MYOM2: variants seen among roughly 807,000 people sequenced by gnomAD.
MYOM2 encodes the protein myomesin 2.
Under a neutral mutation model 187.6 loss-of-function variants are expected in MYOM2, and 254 were observed. That is an observed-to-expected ratio of 1.35 (90% CI 1.22 to 1.50). MYOM2 has a LOEUF of 1.50. MYOM2 is among the 40% of genes most tolerant of loss of function. MYOM2 has a pLI of 0.00. For synonymous variants in MYOM2, 981 were observed against 753.8 expected (o/e 1.30, Z -4.94); for missense variants, 2,796 against 1,924.0 (o/e 1.45, Z -8.48).
intron 24 of MYOM2, 82 bp from the exon 25 acceptor site, chr8:2,109,309 GGATT>G (rs1188943813): frequency 2.9e-6 from 4 of 1,392,078 alleles, no homozygotes; most frequent in African/African-American, 2.9e-5. Context: ...CTAATAACTA[GGATT>G]GATATTTCCC....
intron 6 of MYOM2, among the ~76,000 whole-genome samples, chr8:2,060,443 G>A (rs1315289322): frequency 6.6e-6 from 1 of 152,090 alleles, no homozygotes; most frequent in Non-Finnish European, 1.5e-5. Context: ...GGAGGTGTGG[G>A]GTGTGTGTGC....
chr8:2,051,980 A>C (rs1404376489), intron 2 of MYOM2, among the ~76,000 whole-genome samples, 178 bp from the exon 3 acceptor site: 1 of 152,194 alleles, frequency 6.6e-6, no homozygotes, highest in Non-Finnish European at 1.5e-5. Flanking sequence ...ATGTGTGTGC[A>C]TGTGTGCATA....
At chr8:2,088,323 G>A (rs1796166183) in intron 14 of MYOM2, among the ~76,000 whole-genome samples, 1 of 152,188 alleles carries the variant, frequency 6.6e-6, no homozygotes, top group Non-Finnish European at 1.5e-5. Context: ...GGGTACCTGT[G>A]CAAGTTCTGA....
At chr8:2,123,821 T>G (rs961909906) in intron 30 of MYOM2, among the ~76,000 whole-genome samples, 179 bp downstream of exon 30, 2 of 152,258 alleles carry the variant, frequency 1.3e-5, no homozygotes, top group Non-Finnish European at 2.9e-5. Context: ...TTTCAGTGTT[T>G]TAGAATAATG....
chr8:2,074,549 G>A (rs951549794), intron 10 of MYOM2, among the ~76,000 whole-genome samples: 1 of 152,074 alleles, frequency 6.6e-6, no homozygotes, highest in Non-Finnish European at 1.5e-5. Context: ...CCGCCTCCTG[G>A]GTTCAAGCGA....
chr8:2,132,608 A>T (rs1356837145), intron 32 of MYOM2, among the ~76,000 whole-genome samples: 5 of 151,784 alleles, frequency 3.3e-5, no homozygotes, highest in African/African-American at 1.2e-4. Flanking sequence ...TTTTTTTGAG[A>T]CAGAGTCTTG....
rs372444888 is a variant in MYOM2, at chr8:2,072,505, C to T, written c.954C>T (p.Arg318=). ...TGCAGCCGCGCGCCGAGTGGTACCG[C>T]GATGGTGAGTAGGACACGGCCCAGA... is the stretch of plus-strand genomic sequence containing the variant. ...KRVQPRAEWY[R]DDVLLKESKW... Residue 318 remains arginine (R), a synonymous_variant, in exon 9 of 37, where the codon CGC becomes CGT. Transcript: ENST00000262113. The T allele has an allele frequency of 8.1e-6, 13 of 1,612,762 alleles. No individual in the cohort carries two copies. The East Asian group carries it at 1.3e-4, about 17-fold the overall frequency.
intron 31 of MYOM2, among the ~76,000 whole-genome samples, chr8:2,124,600 A>G (rs1797573326): frequency 1.3e-5 from 2 of 152,342 alleles, no homozygotes; most frequent in African/African-American, 2.4e-5. Context: ...ACCATATGTT[A>G]TCTTTACAAA....
chr8:2,085,613 CGTGGCCCCCCACAGTCGTGATCTCTTT>C lies in MYOM2; in HGVS notation c.1644+236_1644+262del, dbSNP rs1563445214. Among the ~76,000 whole-genome samples the C allele has an allele frequency of 2.5e-3, 7 of 2,784 alleles. 1 individual carries two copies. The highest frequency in any genetic ancestry group is 8.3e-3 in the African/African-American group (2 of 240). The allele number at this position is 2,784 out of a possible 152,430, so 1.8% of individuals were successfully genotyped here. A position where few individuals can be genotyped will look rare whatever the true frequency, so the allele number is the denominator to read the frequency against. On this transcript the variant is annotated intron_variant, in intron 14 of 36. Transcript: ENST00000262113. ...CGTGGCCCCACTGTCGTGATCTCTG[CGTGGCCCCCCACAGTCGTGATCTCTTT>C]GTGGCCCCCCACTGTCGTGATCTCT...
intron 3 of MYOM2, among the ~76,000 whole-genome samples, chr8:2,054,945 GA>G (rs1818608829): frequency 9.6e-6 from 1 of 103,944 alleles, no homozygotes; most frequent in Non-Finnish European, 2.1e-5. Flanking sequence ...ATGGGGGAAC[GA>G]AGTACCTGGA....
At chr8:2,095,331 G>T (rs1042306076) in intron 17 of MYOM2, among the ~76,000 whole-genome samples, 3 of 140,460 alleles carry the variant, frequency 2.1e-5, no homozygotes, top group African/African-American at 8.2e-5. Flanking sequence ...TCGCTCTGTT[G>T]CTCAGGCTGG....
At position 2,108,835 on chromosome 8, in the gene MYOM2, G is replaced by C; in HGVS notation, c.3043+5G>C. The C allele has an allele frequency of 6.2e-7, 1 of 1,613,918 alleles. No homozygotes were observed. Among genetic ancestry groups the C allele is most frequent in the Non-Finnish European group, 8.5e-7 (1 of 1,179,924 alleles). ...GCAATGAAATAAAGAACCCCAGTAA[G>C]TAAGCCTCCAGCCCTTCCCCTCTGC... On this transcript the variant is annotated splice_donor_5th_base_variant and intron_variant, in intron 24 of 36. Transcript: ENST00000262113.
rs144924390 is a variant in MYOM2 at position 2,144,969 on chromosome 8, G to C, written c.4386G>C (p.Ala1462=). The change falls in exon 37 of 37, where the codon GCG becomes GCC. Residue 1462 remains alanine, a synonymous_variant. Transcript: ENST00000262113. ...KPKLIPASAS[A]AGQ ...AGCTCATCCCCGCGTCTGCCTCAGCGGCAGGCCAGTGAAGGCGTTTTCCTA... is the reference window on the plus strand; with the variant it reads ...AGCTCATCCCCGCGTCTGCCTCAGCCGCAGGCCAGTGAAGGCGTTTTCCTA... 6.2e-7 allele frequency: 1 copy of C among 1,613,882 alleles called. No individual in the cohort carries two copies. The highest frequency in any genetic ancestry group is 1.3e-5 in the African/African-American group (1 of 74,910).
chr8:2,076,977 A>G (rs1819446658), intron 11 of MYOM2, among the ~76,000 whole-genome samples: 1 of 152,210 alleles, frequency 6.6e-6, no homozygotes, highest in South Asian at 2.1e-4. Context: ...AGTAAATTAT[A>G]GTTGAAGAAA....
chr8:2,101,672 G>A (rs776049182), intron 20 of MYOM2, among the ~76,000 whole-genome samples: 1 of 152,228 alleles, frequency 6.6e-6, no homozygotes, highest in Non-Finnish European at 1.5e-5. Context: ...TCTAATAGCT[G>A]TTAATTGTCT....
rs144924390 is a variant in MYOM2, at chr8:2,144,969, G to A, written c.4386G>A (p.Ala1462=). Residue 1462 remains alanine (A), a synonymous_variant, in exon 37 of 37, where the codon GCG becomes GCA. Coordinates refer to ENST00000262113, the MANE Select transcript of MYOM2 (RefSeq NM_003970.4). ...AGCTCATCCCCGCGTCTGCCTCAGC[G>A]GCAGGCCAGTGAAGGCGTTTTCCTA... ...KPKLIPASAS[A]AGQ 1.3e-5 allele frequency: 21 copies of A among 1,613,882 alleles called. No homozygotes were observed. The highest frequency in any genetic ancestry group is 1.6e-4 in the Middle Eastern group (1 of 6,070).
At chr8:2,087,954 T>G (rs1468290928) in intron 14 of MYOM2, among the ~76,000 whole-genome samples, 1 of 152,190 alleles carries the variant, frequency 6.6e-6, no homozygotes, top group East Asian at 1.9e-4. Flanking sequence ...GCAAACACAT[T>G]TTTAGAGAGA....
intron 3 of MYOM2, among the ~76,000 whole-genome samples, chr8:2,055,768 G>A (rs541312520): frequency 1.3e-3 from 194 of 152,278 alleles, no homozygotes; most frequent in African/African-American, 4.6e-3. Flanking sequence ...CTGCACCCTG[G>A]GTCTCGGACA....
At chr8:2,116,656 A>G (rs1033003295) in intron 27 of MYOM2, among the ~76,000 whole-genome samples, 2 of 152,214 alleles carry the variant, frequency 1.3e-5, no homozygotes, top group Admixed American at 6.5e-5. Flanking sequence ...ACTACAAACA[A>G]TATGTTTTAA....
Sources: allele counts gnomAD v4.1 joint callset (sites outside exome capture counted in the v4.1 genomes callset), GRCh38; gene constraint gnomAD v4.1.1; transcripts MANE v1.5; gene names NCBI Gene and HGNC (gene_info 2026-07-23, HGNC 2026-07-21).